DLG2: variants seen among roughly 807,000 people sequenced by gnomAD.
DLG2 encodes disks large homolog 2.
In DLG2, 45 loss-of-function variants were observed where a neutral mutation model predicts 132.5. The observed-to-expected ratio is 0.34, with a 90% CI of 0.27 to 0.44. The LOEUF is 0.44. Among genes scored for constraint, DLG2 ranks in the 20% least tolerant of loss-of-function variants. The pLI, the probability that DLG2 is intolerant of heterozygous loss-of-function variation, is 1.00. For missense variants in DLG2, 1,045 were observed against 1,196.9 expected (o/e 0.87, Z 1.87); for synonymous variants, 424 against 419.6 (o/e 1.01, Z -0.13).
chr11:83,986,905 T>C (rs1046716454), intron 11 of DLG2, among the ~76,000 whole-genome samples: 28 of 152,124 alleles, frequency 1.8e-4, no homozygotes, highest in African/African-American at 6.0e-4. Context: ...TTTGATGGGG[T>C]TGTTTGTCTT....
At chr11:85,467,705 A>G (rs753700385) in intron 3 of DLG2, among the ~76,000 whole-genome samples, 2 of 152,144 alleles carry the variant, frequency 1.3e-5, no homozygotes, top group African/African-American at 2.4e-5. Flanking sequence ...CCCTGAATTC[A>G]GTTTGCCAGT....
intron 3 of DLG2, among the ~76,000 whole-genome samples, chr11:85,388,906 CA>C (rs993890383): frequency 9.9e-5 from 15 of 152,088 alleles, no homozygotes; most frequent in African/African-American, 2.9e-4. Flanking sequence ...GAAGAAACCA[CA>C]AAAAAACAAT....
chr11:84,980,169 G>C (rs986834249), intron 6 of DLG2, among the ~76,000 whole-genome samples: 8 of 152,028 alleles, frequency 5.3e-5, no homozygotes, highest in African/African-American at 1.9e-4. Flanking sequence ...AAGCCAAAAT[G>C]AATAATGTAT....
intron 6 of DLG2, among the ~76,000 whole-genome samples, chr11:84,969,831 T>C (rs1592005878): frequency 6.6e-6 from 1 of 152,104 alleles, no homozygotes; most frequent in South Asian, 2.1e-4. Flanking sequence ...TGGAATACTA[T>C]GCAGCCATAA....
At chr11:83,530,002 T>G (rs994056657) in intron 21 of DLG2, among the ~76,000 whole-genome samples, 7 of 152,102 alleles carry the variant, frequency 4.6e-5, no homozygotes, top group Admixed American at 4.6e-4. Flanking sequence ...TTAGACTTTG[T>G]GTCCTTCTAA....
chr11:84,801,404 C>A (rs954606376), intron 6 of DLG2, among the ~76,000 whole-genome samples: 1 of 152,066 alleles, frequency 6.6e-6, no homozygotes, highest in Non-Finnish European at 1.5e-5. Flanking sequence ...CCCGTCTCTA[C>A]TAAAAAAATA....
intron 3 of DLG2, among the ~76,000 whole-genome samples, chr11:85,510,428 C>A (rs991657835): frequency 6.6e-6 from 1 of 152,068 alleles, no homozygotes; most frequent in Non-Finnish European, 1.5e-5. Context: ...TCAGAGTGAA[C>A]AGGCAACCTA....
chr11:83,977,599 ATACAAGACAGTCTAAGATC>A (rs1342228488), intron 12 of DLG2, among the ~76,000 whole-genome samples: 1 of 152,076 alleles, frequency 6.6e-6, no homozygotes, highest in African/African-American at 2.4e-5. Flanking sequence ...AATGAGAAAA[ATACAAGACAGTCTAAGATC>A]TAACCTTTGT....
intron 2 of DLG2, among the ~76,000 whole-genome samples, chr11:85,611,919 G>A (rs561176450): frequency 1.3e-5 from 2 of 151,752 alleles, no homozygotes; most frequent in East Asian, 1.9e-4. Context: ...GGAAAGACCA[G>A]CAGAGAGAGA....
chr11:83,670,619 C>A (rs57125851), intron 18 of DLG2, among the ~76,000 whole-genome samples: 8,642 of 150,964 alleles, frequency 0.057, 394 homozygotes, highest in East Asian at 0.27. Context: ...AAAAAAAAAA[C>A]CAAAACACAA....
chr11:84,860,415 T>G (rs1471526746), intron 6 of DLG2, among the ~76,000 whole-genome samples: 1 of 152,162 alleles, frequency 6.6e-6, no homozygotes, highest in African/African-American at 2.4e-5. Context: ...TTTCTGACAA[T>G]GAAGCTAGGG....
At chr11:83,759,403 G>T (rs1337061226) in intron 18 of DLG2, among the ~76,000 whole-genome samples, 4 of 152,242 alleles carry the variant, frequency 2.6e-5, no homozygotes, top group African/African-American at 9.6e-5. Flanking sequence ...CAGCCGTTCA[G>T]ATGGGGGGCA....
intron 18 of DLG2, among the ~76,000 whole-genome samples, chr11:83,736,354 A>G (rs781739605): frequency 1.4e-4 from 22 of 152,168 alleles, no homozygotes; most frequent in Non-Finnish European, 3.2e-4. Context: ...TATTATTACT[A>G]GAACTCAACA....
At chr11:83,906,073 C>CTA in intron 15 of DLG2, among the ~76,000 whole-genome samples, 1 of 103,310 alleles carries the variant, frequency 9.7e-6, no homozygotes, top group African/African-American at 4.4e-5. Context: ...CTCTCTCTCT[C>CTA]TCTCTCTCTA....
intron 8 of DLG2, among the ~76,000 whole-genome samples, chr11:84,204,581 A>C (rs1037467967): frequency 6.6e-6 from 1 of 152,202 alleles, no homozygotes; most frequent in Non-Finnish European, 1.5e-5. Flanking sequence ...GGTGGACTTA[A>C]ATGAAACATT....
chr11:83,614,167 C>A (rs1337681586), intron 19 of DLG2, among the ~76,000 whole-genome samples: 2 of 152,088 alleles, frequency 1.3e-5, no homozygotes, highest in African/African-American at 4.8e-5. Flanking sequence ...GTTGGAGGTT[C>A]TTTTATTATT....
intron 5 of DLG2, among the ~76,000 whole-genome samples, chr11:85,134,664 G>T (rs1199776030): frequency 6.6e-6 from 1 of 150,790 alleles, no homozygotes; most frequent in African/African-American, 2.4e-5. Flanking sequence ...ATAACCTCCT[G>T]ATTGCTAAAT....
chr11:84,855,887 A>G (rs1371127109), intron 6 of DLG2, among the ~76,000 whole-genome samples: 2 of 152,016 alleles, frequency 1.3e-5, no homozygotes, highest in Non-Finnish European at 2.9e-5. Context: ...TGGGAAGAAA[A>G]GAAACGTGGA....
chr11:83,724,592 T>C (rs3892733), intron 18 of DLG2, among the ~76,000 whole-genome samples: 8,848 of 150,726 alleles, frequency 0.059, 890 homozygotes, highest in African/African-American at 0.2. Context: ...AAACTCAGAG[T>C]GTGATTCTGA....
Sources: gnomAD v4.1 joint callset for allele counts (sites outside exome capture counted in the v4.1 genomes callset) on GRCh38, gnomAD v4.1.1 for gene constraint, MANE v1.5 for transcripts, NCBI Gene and HGNC (gene_info 2026-07-23, HGNC 2026-07-21) for gene names.